Variants in AFF3 observed in about 807,000 individuals in gnomAD.
AFF3 encodes the protein ALF transcription elongation factor 3, also known as AF4/FMR2 family member 3.
In AFF3, 32 loss-of-function variants were observed where a neutral mutation model predicts 129.7. The ratio of observed to expected loss-of-function variants is 0.25; its 90% CI spans 0.19 to 0.33. AFF3 has a LOEUF of 0.33. AFF3 is among the 10% of genes least tolerant of loss of function. The pLI is 1.00. For missense variants in AFF3, 1,373 were observed against 1,592.0 expected, an observed-to-expected ratio of 0.86 and a Z score of 2.34; for synonymous variants, 644 against 635.4, an observed-to-expected ratio of 1.01 and a Z score of -0.20.
At position 99,593,732 on chromosome 2, in the gene AFF3, G is replaced by A. The variant is rs1254697856; in HGVS notation, c.1929C>T (p.Ser643=). 1 of 1,612,664 alleles carries A rather than the reference G, an allele frequency of 6.2e-7. No homozygotes were observed. The highest frequency in any genetic ancestry group is 1.3e-5 in the African/African-American group (1 of 74,942). The part of the protein sequence containing the change: ...NRASHRKELR[S]SVTCEKRRTR... The stretch of plus-strand genomic sequence containing the variant: ...TGCGGCGCTTCTCGCAGGTCACGGA[G>A]GAGCGCAGCTCCTTGCGGTGGCTCG... The change falls in exon 15 of 25, where the codon TCC becomes TCT. Residue 643 remains serine, a synonymous_variant. Coordinates refer to ENST00000672756, the MANE Select transcript of AFF3 (RefSeq NM_001386135.1).
At chr2:99,919,456 T>C (rs1226050618) in intron 7 of AFF3, among the ~76,000 whole-genome samples, 1 of 152,146 alleles carries the variant, frequency 6.6e-6, no homozygotes, top group African/African-American at 2.4e-5. Flanking sequence ...TCCAGGCAGC[T>C]GCCATTAAGA....
chr2:99,753,499 G>A (rs1055511014), intron 8 of AFF3, among the ~76,000 whole-genome samples: 2 of 152,170 alleles, frequency 1.3e-5, no homozygotes, highest in Non-Finnish European at 2.9e-5. Flanking sequence ...CTCGCTCGAG[G>A]TGAGGACATT....
intron 7 of AFF3, among the ~76,000 whole-genome samples, chr2:99,872,270 G>A (rs1325109835): frequency 6.8e-6 from 1 of 146,156 alleles, no homozygotes; most frequent in Non-Finnish European, 1.5e-5. Context: ...TCTAATTAGT[G>A]ATCACCGTAG....
intron 11 of AFF3, among the ~76,000 whole-genome samples, chr2:99,718,102 T>C (rs985567890): frequency 6.6e-6 from 1 of 152,258 alleles, no homozygotes; most frequent in African/African-American, 2.4e-5. Context: ...AGTCAGGTAC[T>C]GTAAGGCCTC....
chr2:99,570,931 T>C (rs373087163), intron 18 of AFF3, among the ~76,000 whole-genome samples: 17 of 152,376 alleles, frequency 1.1e-4, no homozygotes, highest in African/African-American at 4.1e-4. Flanking sequence ...CGAGTAACCT[T>C]GGTCCATGTT....
In AFF3 at chr2:100,104,526, GA is replaced by G; in HGVS notation, c.-64-9del. ...GCTCGGGCCGCCCGCGCGCTGCAAC[GA>G]AAGGCGCCGCTCAAGGTGCATCCCA... On this transcript the variant is annotated splice_polypyrimidine_tract_variant and intron_variant, in intron 3 of 24. Transcript: ENST00000672756. The G allele has an allele frequency of 8.0e-7, 1 of 1,244,992 alleles. No homozygotes were observed. Among genetic ancestry groups the G allele is most frequent in the South Asian group, 1.5e-5 (1 of 64,930 alleles). 77.1% of individuals were successfully genotyped at this position (1,244,992 alleles called of 1,614,324 possible).
chr2:99,920,878 T>A (rs1333730124), intron 7 of AFF3, among the ~76,000 whole-genome samples: 1 of 152,116 alleles, frequency 6.6e-6, no homozygotes, highest in African/African-American at 2.4e-5. Flanking sequence ...TTGTTAAAAA[T>A]GCTTTTTACA....
intron 11 of AFF3, among the ~76,000 whole-genome samples, chr2:99,719,380 T>C (rs1393869551): frequency 6.6e-6 from 1 of 152,184 alleles, no homozygotes; most frequent in Admixed American, 6.5e-5. Context: ...TGCATCAGTG[T>C]TTGTGCAAAC....
intron 20 of AFF3, among the ~76,000 whole-genome samples, chr2:99,563,810 CAA>C (rs34843347): frequency 2.6e-4 from 20 of 76,092 alleles, no homozygotes; most frequent in African/African-American, 7.4e-4. Flanking sequence ...AATTTAGTCT[CAA>C]AAAAAAAAAA....
At chr2:99,761,178 G>A (rs2105268545) in intron 8 of AFF3, among the ~76,000 whole-genome samples, 1 of 149,646 alleles carries the variant, frequency 6.7e-6, no homozygotes, top group East Asian at 1.9e-4. Flanking sequence ...ATACGTTCAG[G>A]TGACTTCTTT....
intron 4 of AFF3, among the ~76,000 whole-genome samples, chr2:100,049,670 T>C (rs1053653978): frequency 6.6e-6 from 1 of 152,324 alleles, no homozygotes; most frequent in Middle Eastern, 3.4e-3. Context: ...ATCAAGAGAA[T>C]GTGGCAGAAT....
At chr2:99,560,193 C>T (rs1254074057) in intron 21 of AFF3, among the ~76,000 whole-genome samples, 172 bp downstream of exon 21, 1 of 152,246 alleles carries the variant, frequency 6.6e-6, no homozygotes, top group Non-Finnish European at 1.5e-5. Flanking sequence ...GAATTCAGAT[C>T]ATGTATAGTA....
chr2:99,725,864 T>TA (rs1431926856), intron 11 of AFF3, among the ~76,000 whole-genome samples: 1 of 152,186 alleles, frequency 6.6e-6, no homozygotes, highest in African/African-American at 2.4e-5. Flanking sequence ...AATAATTTAT[T>TA]AAAAAATACA....
At chr2:100,040,538 T>C (rs554747851) in intron 4 of AFF3, among the ~76,000 whole-genome samples, 140 of 152,298 alleles carry the variant, frequency 9.2e-4, no homozygotes, top group African/African-American at 3.1e-3. Flanking sequence ...AAAAATGTCC[T>C]GGTTTTATCA....
intron 4 of AFF3, among the ~76,000 whole-genome samples, chr2:100,034,377 G>A (rs1684747086): frequency 6.6e-6 from 1 of 152,038 alleles, no homozygotes; most frequent in Admixed American, 6.6e-5. Flanking sequence ...ATTAAATATA[G>A]AAATTAAACC....
chr2:99,903,507 C>T (rs1694498602), intron 7 of AFF3, among the ~76,000 whole-genome samples: 1 of 152,040 alleles, frequency 6.6e-6, no homozygotes, highest in Admixed American at 6.6e-5. Context: ...GCTTTATATA[C>T]CAGATTATCT....
At chr2:99,607,967 A>T (rs908636899) in intron 13 of AFF3, among the ~76,000 whole-genome samples, 4 of 151,676 alleles carry the variant, frequency 2.6e-5, no homozygotes, top group South Asian at 2.1e-4. Flanking sequence ...ATTGTCGTCT[A>T]AAAAAAAACC....
chr2:99,953,374 T>G (rs1676343411), intron 7 of AFF3, among the ~76,000 whole-genome samples: 1 of 152,208 alleles, frequency 6.6e-6, no homozygotes, highest in Non-Finnish European at 1.5e-5. Context: ...AAGACACATT[T>G]GAGAAAGCGT....
chr2:100,072,565 G>A (rs555067961), intron 4 of AFF3, among the ~76,000 whole-genome samples: 6 of 152,260 alleles, frequency 3.9e-5, no homozygotes, highest in African/African-American at 1.4e-4. Flanking sequence ...GCTATACCAT[G>A]AGCTAGCTGC....
Sources: gnomAD v4.1 joint callset for allele counts (sites outside exome capture counted in the v4.1 genomes callset) on GRCh38, gnomAD v4.1.1 for gene constraint, MANE v1.5 for transcripts, NCBI Gene and HGNC (gene_info 2026-07-23, HGNC 2026-07-21) for gene names.